MARCHF1: variants seen among roughly 807,000 people sequenced by gnomAD.
MARCHF1 encodes the protein E3 ubiquitin-protein ligase MARCHF1.
A neutral mutation model predicts 54.2 loss-of-function variants in MARCHF1; 40 were observed. The observed-to-expected ratio is 0.74, with a 90% CI of 0.57 to 0.96. MARCHF1 has a LOEUF of 0.96. Ranked by LOEUF, MARCHF1 falls within the 40% of genes least tolerant of loss-of-function variation. MARCHF1 has a pLI of 0.00. For missense variants in MARCHF1, 586 were observed against 656.5 expected (o/e 0.89, Z 1.17); for synonymous variants, 236 against 236.3 (o/e 1.00, Z 0.01).
chr4:163,660,672 TA>T (rs1240796688), intron 5 of MARCHF1, among the ~76,000 whole-genome samples: 7 of 152,148 alleles, frequency 4.6e-5, no homozygotes, highest in Admixed American at 4.6e-4. Flanking sequence ...TGTATAGTTT[TA>T]TAAAACTCAA....
intron 8 of MARCHF1, among the ~76,000 whole-genome samples, chr4:163,578,768 G>A (rs771020807): frequency 6.6e-6 from 1 of 152,032 alleles, no homozygotes; most frequent in African/African-American, 2.4e-5. Context: ...CTTTCATCTT[G>A]TTCCATCCTT....
At chr4:164,342,745 TACGGTATGTGTATATACGCAAAC>T (rs1157918775) in intron 1 of MARCHF1, among the ~76,000 whole-genome samples, 3 of 151,724 alleles carry the variant, frequency 2.0e-5, no homozygotes, top group Admixed American at 2.0e-4. Flanking sequence ...ACAAAGAAAA[TACGGTATGTGTATATACGCAAAC>T]ACACACACAC....
At chr4:164,176,416 T>A (rs917326046) in intron 1 of MARCHF1, among the ~76,000 whole-genome samples, 28 of 152,170 alleles carry the variant, frequency 1.8e-4, no homozygotes, top group Non-Finnish European at 7.3e-5. Context: ...TTGCTATGGA[T>A]GTTTTTTTCT....
At chr4:163,592,232 T>A (rs1348058023) in intron 7 of MARCHF1, among the ~76,000 whole-genome samples, 1 of 152,202 alleles carries the variant, frequency 6.6e-6, no homozygotes, top group African/African-American at 2.4e-5. Flanking sequence ...GTACTCTTTT[T>A]TACATGTGCA....
At chr4:163,655,110 G>A (rs563927795) in intron 5 of MARCHF1, among the ~76,000 whole-genome samples, 1 of 151,560 alleles carries the variant, frequency 6.6e-6, no homozygotes, top group Admixed American at 6.6e-5. Context: ...CATTTCTAAA[G>A]TCATTCACTG....
intron 8 of MARCHF1, among the ~76,000 whole-genome samples, chr4:163,570,249 G>A (rs1560948202): frequency 6.6e-6 from 1 of 152,186 alleles, no homozygotes; most frequent in East Asian, 1.9e-4. Flanking sequence ...TGGCCTTAAA[G>A]TGGATTCAAT....
chr4:164,339,554 T>C (rs143761842), intron 1 of MARCHF1, among the ~76,000 whole-genome samples: 114 of 152,194 alleles, frequency 7.5e-4, no homozygotes, highest in African/African-American at 2.7e-3. Context: ...TCAAAACTTA[T>C]GAGATACAGC....
At chr4:164,139,604 G>T (rs1007299906) in intron 1 of MARCHF1, among the ~76,000 whole-genome samples, 3 of 152,096 alleles carry the variant, frequency 2.0e-5, no homozygotes, top group Non-Finnish European at 4.4e-5. Flanking sequence ...GAAATGACCT[G>T]TGGTATTTAT....
intron 3 of MARCHF1, among the ~76,000 whole-genome samples, chr4:163,916,756 C>T (rs1751316532): frequency 6.6e-6 from 1 of 152,068 alleles, no homozygotes; most frequent in South Asian, 2.1e-4. Context: ...CATATTCTCC[C>T]TACCCCCACA....
Position 164,211,282 on chromosome 4 carries a change from A to G in MARCHF1, c.-322-99620T>C, listed in dbSNP as rs764056110. 5.3e-4 allele frequency among the ~76,000 whole-genome samples: 11 copies of G among 20,854 alleles called. No individual in the cohort carries two copies. The Admixed American group carries it at 6.3e-3, about 12-fold the overall frequency. The allele number at this position is 20,854 out of a possible 152,430, so 13.7% of individuals were successfully genotyped here. ...TAAGCTTGATTTAATCTTTATGTAT[A>G]TATATATATATATACCACATTGCAA... is the stretch of plus-strand genomic sequence containing the variant. On this transcript the variant is annotated intron_variant, in intron 1 of 9. Coordinates refer to ENST00000514618, the MANE Select transcript of MARCHF1 (RefSeq NM_001394959.1).
At chr4:163,689,140 TACA>T (rs1443642879) in intron 5 of MARCHF1, among the ~76,000 whole-genome samples, 1 of 152,192 alleles carries the variant, frequency 6.6e-6, no homozygotes, top group Non-Finnish European at 1.5e-5. Context: ...ATACCACAGT[TACA>T]ACAATTAGAG....
chr4:163,837,479 T>A (rs1749221860), intron 4 of MARCHF1, among the ~76,000 whole-genome samples: 2 of 152,164 alleles, frequency 1.3e-5, no homozygotes, highest in Non-Finnish European at 2.9e-5. Context: ...AAAAATGTGT[T>A]AACAACATGA....
At chr4:163,689,582 G>C (rs1446875737) in intron 5 of MARCHF1, among the ~76,000 whole-genome samples, 1 of 151,930 alleles carries the variant, frequency 6.6e-6, no homozygotes, top group Non-Finnish European at 1.5e-5. Context: ...ATGGCTAATG[G>C]CTACCATACT....
At chr4:164,324,428 G>A (rs1735220258) in intron 1 of MARCHF1, among the ~76,000 whole-genome samples, 2 of 151,012 alleles carry the variant, frequency 1.3e-5, no homozygotes, top group South Asian at 2.1e-4. Context: ...TATAATCAAA[G>A]AAAAAAATAA....
chr4:164,061,117 C>A (rs1474050022), intron 2 of MARCHF1, among the ~76,000 whole-genome samples: 1 of 152,064 alleles, frequency 6.6e-6, no homozygotes, highest in Non-Finnish European at 1.5e-5. Flanking sequence ...CTATGACAAT[C>A]CAATAAATTA....
At chr4:163,593,473 AT>A (rs1463832817) in intron 7 of MARCHF1, among the ~76,000 whole-genome samples, 5 of 152,218 alleles carry the variant, frequency 3.3e-5, no homozygotes, top group Non-Finnish European at 4.4e-5. Flanking sequence ...TTGTATATAC[AT>A]AATAACAGCT....
chr4:164,001,500 C>T (rs78994385), intron 2 of MARCHF1, among the ~76,000 whole-genome samples: 2,460 of 151,888 alleles, frequency 0.016, 55 homozygotes, highest in African/African-American at 0.052. Context: ...CTGTATGCAA[C>T]TGTCGCTATA....
At chr4:163,790,789 T>C (rs1001241874) in intron 4 of MARCHF1, among the ~76,000 whole-genome samples, 1 of 151,958 alleles carries the variant, frequency 6.6e-6, no homozygotes, top group Admixed American at 6.6e-5. Context: ...AACAAAAACA[T>C]GGAGCTACAT....
rs78609400 is a variant in MARCHF1 at position 164,191,108 on chromosome 4, A to G, written c.-322-79446T>C. The stretch of plus-strand genomic sequence containing the variant: ...ATTGTCTGACAGTGATTGGATCATA[A>G]TAATAATTTTCACCATTTTCTTCAA... On this transcript the variant is annotated intron_variant, in intron 1 of 9. Coordinates refer to ENST00000514618, the MANE Select transcript of MARCHF1 (RefSeq NM_001394959.1). Among the ~76,000 whole-genome samples the G allele has an allele frequency of 5.9e-4, 90 of 152,344 alleles. 1 individual carries two copies. The East Asian group carries it at 0.017, about 28-fold the overall frequency.
Sources: allele counts gnomAD v4.1 joint callset (sites outside exome capture counted in the v4.1 genomes callset), GRCh38; gene constraint gnomAD v4.1.1; transcripts MANE v1.5; gene names NCBI Gene and HGNC (gene_info 2026-07-23, HGNC 2026-07-21).